DOK5: variants seen among roughly 807,000 people sequenced by gnomAD.
DOK5 encodes docking protein 5, also known as downstream of tyrosine kinase 5.
Under a neutral mutation model 43.3 loss-of-function variants are expected in DOK5, and 27 were observed. That is an observed-to-expected ratio of 0.62 (90% CI 0.46 to 0.86). DOK5 has a LOEUF of 0.86. Among genes scored for constraint, DOK5 ranks in the 40% least tolerant of loss-of-function variants. DOK5 has a pLI of 0.00. For missense variants in DOK5, 373 were observed against 392.9 expected (o/e 0.95, Z 0.43); for synonymous variants, 146 against 140.1 (o/e 1.04, Z -0.30).
chr20:54,513,908 G>A (rs6127208), intron 1 of DOK5, among the ~76,000 whole-genome samples: 1 of 152,102 alleles, frequency 6.6e-6, no homozygotes, highest in Non-Finnish European at 1.5e-5. Flanking sequence ...TTTTGAATTA[G>A]GACAGATTAT....
intron 6 of DOK5, among the ~76,000 whole-genome samples, chr20:54,624,744 A>G (rs1474469894): frequency 6.6e-6 from 1 of 152,254 alleles, no homozygotes; most frequent in African/African-American, 2.4e-5. Context: ...CTGAGAATTC[A>G]GATGGCTCCG....
At chr20:54,558,072 T>G (rs1164421724) in intron 2 of DOK5, among the ~76,000 whole-genome samples, 1 of 152,238 alleles carries the variant, frequency 6.6e-6, no homozygotes, top group Non-Finnish European at 1.5e-5. Context: ...GATGTCTATG[T>G]GTCATACTTT....
At chr20:54,501,073 A>G (rs1051981862) in intron 1 of DOK5, among the ~76,000 whole-genome samples, 1 of 152,164 alleles carries the variant, frequency 6.6e-6, no homozygotes, top group African/African-American at 2.4e-5. Flanking sequence ...TGTGATAATG[A>G]AGTTAGAGAG....
chr20:54,610,646 A>T (rs1210946114), intron 6 of DOK5, 123 bp downstream of exon 6: 1 of 1,127,842 alleles, frequency 8.9e-7, no homozygotes, highest in Admixed American at 3.9e-5. Context: ...TCTTCTCAAC[A>T]GTGTATCACT....
intron 4 of DOK5, 92 bp downstream of exon 4, chr20:54,588,898 G>T: frequency 7.1e-7 from 1 of 1,405,630 alleles, no homozygotes; most frequent in South Asian, 1.5e-5. Flanking sequence ...TAAAGTTTTT[G>T]GGGTATAAAA....
chr20:54,528,749 A>T (rs950855306), intron 1 of DOK5, among the ~76,000 whole-genome samples: 1 of 152,214 alleles, frequency 6.6e-6, no homozygotes, highest in African/African-American at 2.4e-5. Flanking sequence ...AACTGCTGCA[A>T]GTGGCTTCCT....
At chr20:54,497,644 A>G (rs1286423617) in intron 1 of DOK5, among the ~76,000 whole-genome samples, 1 of 152,220 alleles carries the variant, frequency 6.6e-6, no homozygotes, top group East Asian at 1.9e-4. Flanking sequence ...TGTCAGAAAA[A>G]AAGGAATTCT....
intron 1 of DOK5, among the ~76,000 whole-genome samples, chr20:54,495,809 GAGT>G (rs1405419746): frequency 3.6e-4 from 55 of 152,122 alleles, no homozygotes; most frequent in African/African-American, 1.3e-3. Context: ...TTGAACCCGG[GAGT>G]CGGAGGTTGC....
intron 1 of DOK5, among the ~76,000 whole-genome samples, chr20:54,539,397 G>A (rs1047079316): frequency 2.6e-5 from 4 of 151,512 alleles, no homozygotes; most frequent in African/African-American, 4.9e-5. Flanking sequence ...TCCTCATGAT[G>A]GAAATTTTTC....
rs970386507 is a variant in DOK5 at position 54,643,316 on chromosome 20, C to T, written c.736-142C>T. The T allele has an allele frequency of 6.1e-6, 7 of 1,146,996 alleles. No individual in the cohort carries two copies. The Admixed American group carries it at 8.7e-5, about 14-fold the overall frequency. The allele number at this position is 1,146,996 out of a possible 1,614,324, so 71.1% of individuals were successfully genotyped here. On this transcript the variant is annotated intron_variant, in intron 6 of 7. Coordinates refer to ENST00000262593, the MANE Select transcript of DOK5 (RefSeq NM_018431.5). ...GCAAAAACAGTAGCTGGCCACCATG[C>T]CCACCACCTTCAATCGATGTTCATT...
intron 5 of DOK5, among the ~76,000 whole-genome samples, chr20:54,595,165 C>G (rs1228538601): frequency 6.6e-6 from 1 of 152,074 alleles, no homozygotes; most frequent in Admixed American, 6.6e-5. Context: ...CACGGTGAAA[C>G]CCCATCTCTA....
chr20:54,521,409 G>C (rs759506938), intron 1 of DOK5, among the ~76,000 whole-genome samples: 3 of 152,066 alleles, frequency 2.0e-5, no homozygotes, highest in Non-Finnish European at 4.4e-5. Context: ...TAGCAGACTA[G>C]AAATTTATAG....
At chr20:54,512,306 T>C (rs576343994) in intron 1 of DOK5, among the ~76,000 whole-genome samples, 37 of 152,358 alleles carry the variant, frequency 2.4e-4, no homozygotes, top group African/African-American at 8.9e-4. Flanking sequence ...AATGCAGTCT[T>C]TTAGATTTTC....
intron 1 of DOK5, among the ~76,000 whole-genome samples, chr20:54,548,427 G>A (rs1286917766): frequency 6.6e-6 from 1 of 151,532 alleles, no homozygotes; most frequent in Non-Finnish European, 1.5e-5. Context: ...TATAGAGATA[G>A]GATTTCACCA....
intron 6 of DOK5, among the ~76,000 whole-genome samples, chr20:54,617,961 G>A (rs1334423777): frequency 1.3e-5 from 2 of 152,128 alleles, no homozygotes; most frequent in African/African-American, 2.4e-5. Context: ...TAACTCTGAG[G>A]TAGATTCATT....
chr20:54,624,284 A>C (rs1029696528), intron 6 of DOK5, among the ~76,000 whole-genome samples: 1 of 152,164 alleles, frequency 6.6e-6, no homozygotes, highest in Non-Finnish European at 1.5e-5. Context: ...GCTTCCACTG[A>C]GTGTGAGCCT....
chr20:54,648,922 G>A (rs919518983), intron 7 of DOK5, among the ~76,000 whole-genome samples: 5 of 152,158 alleles, frequency 3.3e-5, no homozygotes, highest in African/African-American at 1.2e-4. Context: ...CTTAGGCCAA[G>A]GTGCTTCATT....
intron 6 of DOK5, among the ~76,000 whole-genome samples, chr20:54,617,658 T>A (rs1425807938): frequency 6.6e-6 from 1 of 152,138 alleles, no homozygotes; most frequent in Non-Finnish European, 1.5e-5. Flanking sequence ...ATAAGCCCTG[T>A]GCATACAAAG....
At chr20:54,579,729 ATTTCCTTC>A in intron 2 of DOK5, among the ~76,000 whole-genome samples, 2 of 152,092 alleles carry the variant, frequency 1.3e-5, no homozygotes, top group South Asian at 4.2e-4. Flanking sequence ...ATATGACAGA[ATTTCCTTC>A]TTTTTTAGGG....
Sources: allele counts gnomAD v4.1 joint callset (sites outside exome capture counted in the v4.1 genomes callset), GRCh38; gene constraint gnomAD v4.1.1; transcripts MANE v1.5; gene names NCBI Gene and HGNC (gene_info 2026-07-23, HGNC 2026-07-21).